Variants in CNTN1 observed in about 807,000 individuals in gnomAD.
The protein encoded by CNTN1 is contactin-1.
In CNTN1, 38 loss-of-function variants were observed where a neutral mutation model predicts 126.4. That is an observed-to-expected ratio of 0.30 (90% CI 0.23 to 0.39). The LOEUF (loss-of-function observed/expected upper bound fraction) is 0.39. Among genes scored for constraint, CNTN1 ranks in the 10% least tolerant of loss-of-function variants. The pLI, the probability that CNTN1 is intolerant of heterozygous loss-of-function variation, is 1.00. For missense variants in CNTN1, 1,009 were observed against 1,248.4 expected, an observed-to-expected ratio of 0.81 and a Z score of 2.89; for synonymous variants, 413 against 422.6, an observed-to-expected ratio of 0.98 and a Z score of 0.28.
chr12:40,821,594 A>G (rs1941443125), intron 1 of CNTN1, among the ~76,000 whole-genome samples: 1 of 152,152 alleles, frequency 6.6e-6, no homozygotes, highest in African/African-American at 2.4e-5. Context: ...GTATATGGAT[A>G]TTTGAAAACT....
chr12:41,072,131 A>T lies in CNTN1; in HGVS notation c.*2096A>T, dbSNP rs1950168494. The T allele has an allele frequency of 6.6e-6, 1 of 152,242 alleles. No individual in the cohort carries two copies. The highest frequency in any genetic ancestry group is 2.4e-5 in the African/African-American group (1 of 41,462). The allele number at this position is 152,242 out of a possible 1,614,324, so 9.4% of individuals were successfully genotyped here. On this transcript the variant is annotated 3_prime_UTR_variant, in exon 24 of 24. Coordinates refer to ENST00000551295, the MANE Select transcript of CNTN1 (RefSeq NM_001843.4). ...TTTCTCATACAGTTGTACAGATTTA[A>T]CTGGGACCATCAGTTTTAAACTGTT...
intron 1 of CNTN1, among the ~76,000 whole-genome samples, chr12:40,816,701 G>C (rs145500950): frequency 2.1e-4 from 32 of 151,414 alleles, no homozygotes; most frequent in African/African-American, 7.0e-4. Context: ...GGATTCTTTT[G>C]CTCTTGCCTC....
At chr12:40,943,859 T>C in intron 13 of CNTN1, 135 bp downstream of exon 13, 1 of 1,388,688 alleles carries the variant, frequency 7.2e-7, no homozygotes, top group African/African-American at 1.5e-5. Context: ...CTTGATGATA[T>C]TGTTCTTGGA....
chr12:40,809,125 G>GT (rs1364253265), intron 1 of CNTN1, among the ~76,000 whole-genome samples: 1 of 151,990 alleles, frequency 6.6e-6, no homozygotes, highest in Non-Finnish European at 1.5e-5. Flanking sequence ...TCTATATAAA[G>GT]TAACACTTTG....
intron 1 of CNTN1, among the ~76,000 whole-genome samples, chr12:40,812,511 C>G (rs542500226): frequency 6.6e-6 from 1 of 152,022 alleles, no homozygotes; most frequent in East Asian, 1.9e-4. Flanking sequence ...TATTGAAGCC[C>G]CTAATACTAT....
intron 15 of CNTN1, 111 bp downstream of exon 15, chr12:40,959,345 T>A: frequency 8.6e-7 from 1 of 1,162,894 alleles, no homozygotes. Context: ...AGAGTCTCAA[T>A]CCCATGCTTA....
In CNTN1 at chr12:40,937,251, T is replaced by C. The variant is rs145504646; in HGVS notation, c.1111-319T>C. Among the ~76,000 whole-genome samples the C allele has an allele frequency of 1.1e-3, 163 of 152,120 alleles. 2 individuals are homozygous for C. Among genetic ancestry groups the C allele is most frequent in the African/African-American group, 3.6e-3 (151 of 41,512 alleles). ...ACAGAGACAGAGGTAAGAGTGAAGCTCTAAGTCCTACCTTTGGCCCTGGGG... is the reference window on the plus strand; with the variant it reads ...ACAGAGACAGAGGTAAGAGTGAAGCCCTAAGTCCTACCTTTGGCCCTGGGG... On this transcript the variant is annotated intron_variant, in intron 10 of 23. Transcript: ENST00000551295.
chr12:41,022,927 G>A (rs184080327), intron 20 of CNTN1, among the ~76,000 whole-genome samples: 1 of 151,858 alleles, frequency 6.6e-6, no homozygotes, highest in Non-Finnish European at 1.5e-5. Context: ...TTTTACACAG[G>A]GTCTTGGATA....
intron 1 of CNTN1, among the ~76,000 whole-genome samples, chr12:40,836,920 C>T (rs10784898): frequency 0.59 from 90,304 of 152,048 alleles, 27,214 homozygotes; most frequent in East Asian, 0.77. Flanking sequence ...AACTCTTCAG[C>T]TCAGGATTAG....
At chr12:40,699,599 AT>A (rs1423327013) in intron 1 of CNTN1, among the ~76,000 whole-genome samples, 1 of 152,230 alleles carries the variant, frequency 6.6e-6, no homozygotes, top group Non-Finnish European at 1.5e-5. Context: ...GAATTAAATA[AT>A]GGCAAAGTTA....
At chr12:40,839,197 A>T (rs1216102103) in intron 1 of CNTN1, among the ~76,000 whole-genome samples, 1 of 152,216 alleles carries the variant, frequency 6.6e-6, no homozygotes, top group Non-Finnish European at 1.5e-5. Flanking sequence ...GAATTTGAAG[A>T]TAGGTCTTTT....
chr12:40,711,356 C>T (rs532335014), intron 1 of CNTN1, among the ~76,000 whole-genome samples: 2 of 152,200 alleles, frequency 1.3e-5, no homozygotes, highest in African/African-American at 4.8e-5. Context: ...CTCTTCCACC[C>T]AATTTATTGT....
chr12:40,710,973 TAGA>T (rs149139589), intron 1 of CNTN1, among the ~76,000 whole-genome samples: 6,699 of 152,178 alleles, frequency 0.044, 302 homozygotes, highest in African/African-American at 0.12. Flanking sequence ...GAACCTCTTC[TAGA>T]AGAAGACACT....
chr12:41,058,242 A>G (rs1191282180), intron 23 of CNTN1, among the ~76,000 whole-genome samples: 2 of 152,180 alleles, frequency 1.3e-5, no homozygotes, highest in Non-Finnish European at 2.9e-5. Flanking sequence ...AAAATTCATT[A>G]TGAATTACTT....
intron 1 of CNTN1, among the ~76,000 whole-genome samples, chr12:40,816,238 C>T (rs1477243488): frequency 6.6e-6 from 1 of 152,098 alleles, no homozygotes; most frequent in Admixed American, 6.5e-5. Context: ...CTAGCTCCTC[C>T]TTGTATTTCT....
chr12:40,808,272 G>A (rs1156582990), intron 1 of CNTN1, among the ~76,000 whole-genome samples: 1 of 152,138 alleles, frequency 6.6e-6, no homozygotes, highest in African/African-American at 2.4e-5. Context: ...TCAAGTCATT[G>A]AATTGTGAGC....
intron 19 of CNTN1, among the ~76,000 whole-genome samples, chr12:41,018,731 T>G (rs1281964330): frequency 1.3e-5 from 2 of 151,998 alleles, no homozygotes; most frequent in Non-Finnish European, 2.9e-5. Context: ...TGTGTGTATT[T>G]TTTTACTTTT....
chr12:40,750,907 C>G (rs1938383523), intron 1 of CNTN1, among the ~76,000 whole-genome samples: 2 of 151,890 alleles, frequency 1.3e-5, no homozygotes, highest in South Asian at 4.2e-4. Context: ...GTAATTTAAA[C>G]CATGGTGTAA....
intron 1 of CNTN1, among the ~76,000 whole-genome samples, chr12:40,766,448 T>C (rs1367340860): frequency 6.6e-6 from 1 of 152,074 alleles, no homozygotes; most frequent in Non-Finnish European, 1.5e-5. Flanking sequence ...GCAGAGCATT[T>C]AATGAAATAA....
Sources: gnomAD v4.1 joint callset for allele counts (sites outside exome capture counted in the v4.1 genomes callset) on GRCh38, gnomAD v4.1.1 for gene constraint, MANE v1.5 for transcripts, NCBI Gene and HGNC (gene_info 2026-07-23, HGNC 2026-07-21) for gene names.